Variants in ITGA1 observed in about 807,000 individuals in gnomAD.
ITGA1 encodes the protein integrin subunit alpha 1, also known as integrin alpha-1.
Under a neutral mutation model 145.9 loss-of-function variants are expected in ITGA1, and 85 were observed. The observed-to-expected ratio is 0.58, with a 90% confidence interval of 0.49 to 0.70. The LOEUF is 0.70. ITGA1 is among the 30% of genes least tolerant of loss of function. The pLI is 0.00. For synonymous variants in ITGA1, 520 were observed against 495.3 expected (o/e 1.05, Z -0.66); for missense variants, 1,351 against 1,418.7 (o/e 0.95, Z 0.77).
At chr5:52,843,329 A>C (rs958085010) in intron 1 of ITGA1, among the ~76,000 whole-genome samples, 1 of 152,214 alleles carries the variant, frequency 6.6e-6, no homozygotes. Flanking sequence ...AGCTACTGAA[A>C]TAAAGCAATA....
chr5:52,911,906 G>GAT (rs1301671113), intron 14 of ITGA1, among the ~76,000 whole-genome samples: 1 of 98,236 alleles, frequency 1.0e-5, no homozygotes, highest in African/African-American at 3.7e-5. Flanking sequence ...CTAATATATA[G>GAT]ATATATATAT....
At chr5:52,834,587 G>GAGAAGAAAGAAAGAAAGAA (rs1368741030) in intron 1 of ITGA1, among the ~76,000 whole-genome samples, 1 of 108,178 alleles carries the variant, frequency 9.2e-6, no homozygotes, top group Non-Finnish European at 2.3e-5. Flanking sequence ...GAAAGAAAGA[G>GAGAAGAAAGAAAGAAAGAA]AGAGAGAGAA....
chr5:52,800,320 C>T lies in ITGA1; in HGVS notation c.61+11906C>T. ...CCCGCCCCCTTCCTGGCCTGCATTC[C>T]CATCCCCTCTCCCGGGGCGGAGGTG... On this transcript the variant is annotated intron_variant, in intron 1 of 28. Transcript: ENST00000282588. 1.9e-6 allele frequency: 3 copies of T among 1,553,710 alleles called. No individual in the cohort carries two copies. The South Asian group carries it at 3.5e-5, about 18-fold the overall frequency.
chr5:52,802,537 G>A (rs780701396), intron 1 of ITGA1: 7 of 152,026 alleles, frequency 4.6e-5, no homozygotes, highest in Non-Finnish European at 1.0e-4. Flanking sequence ...GATCTGCTAG[G>A]GATTGTCAAA....
chr5:52,946,195 C>T (rs767719139), intron 27 of ITGA1, among the ~76,000 whole-genome samples: 4 of 152,042 alleles, frequency 2.6e-5, no homozygotes, highest in East Asian at 1.9e-4. Context: ...ATCTAGATTC[C>T]GGTTTCCATA....
rs983744897 is a variant in ITGA1, at chr5:52,788,252, C to A, written c.-102C>A. ...TGCCACTGGGGCAGAGGACTGGGAACCGCGGCAGCGGGATAAGTGGCCCAG... is the reference window on the plus strand; with the variant it reads ...TGCCACTGGGGCAGAGGACTGGGAAACGCGGCAGCGGGATAAGTGGCCCAG... On this transcript the variant is annotated 5_prime_UTR_variant, in exon 1 of 29. Coordinates refer to ENST00000282588, the MANE Select transcript of ITGA1 (RefSeq NM_181501.2). 7 of 911,810 alleles carry A rather than the reference C, an allele frequency of 7.7e-6. No homozygotes were observed. Among genetic ancestry groups the A allele is most frequent in the South Asian group, 2.0e-5 (1 of 49,980 alleles). 56.5% of individuals were successfully genotyped at this position (911,810 alleles called of 1,614,324 possible).
At chr5:52,905,637 A>C in intron 11 of ITGA1, 126 bp from the exon 12 acceptor site, 2 of 815,900 alleles carry the variant, frequency 2.5e-6, no homozygotes, top group Non-Finnish European at 3.6e-6. Flanking sequence ...GCATTGAAGA[A>C]AAAATATTAT....
chr5:52,910,507 A>G (rs1561245440), intron 14 of ITGA1, 88 bp downstream of exon 14: 1 of 1,397,524 alleles, frequency 7.2e-7, no homozygotes, highest in Non-Finnish European at 9.8e-7. Context: ...TGAGTTATTT[A>G]ATTTCTTCCT....
In ITGA1 at chr5:52,865,037, G is replaced by C. The variant is rs150093672; in HGVS notation, c.451G>C (p.Val151Leu). Residue 151 changes from valine (V) to leucine (L), a missense_variant, in exon 5 of 29, where the codon GTC becomes CTC. Physicochemically the swap from Val to Leu is conservative, Grantham distance 32 (BLOSUM62 1). Coordinates refer to ENST00000282588, the MANE Select transcript of ITGA1 (RefSeq NM_181501.2). ...LHYTTGICSD[V>L]SPTFQVVNSI... is the part of the protein sequence containing the mutation. ...TTACACAACTGGAATCTGTTCTGACGTCAGCCCCACATTTCAAGTCGTGAA... is the reference window on the plus strand; with the variant it reads ...TTACACAACTGGAATCTGTTCTGACCTCAGCCCCACATTTCAAGTCGTGAA... 1.1e-4 allele frequency: 173 copies of C among 1,613,782 alleles called. No individual in the cohort carries two copies. The African/African-American group carries it at 2.1e-3, about 20-fold the overall frequency.
intron 20 of ITGA1, among the ~76,000 whole-genome samples, chr5:52,928,430 T>C (rs138752704): frequency 4.4e-4 from 67 of 152,348 alleles, no homozygotes; most frequent in Non-Finnish European, 8.4e-4. Flanking sequence ...TATTGAGATA[T>C]AATTCACGTA....
chr5:52,911,591 CTACTAT>C lies in ITGA1; in HGVS notation c.1857+1173_1857+1178del, dbSNP rs1561246397. ...TATATATACTATATATATAGTGTATCTACTATATATACTATATATATAGTGTATCTA... is the reference window on the plus strand; with the variant it reads ...TATATATACTATATATATAGTGTATCATATACTATATATATAGTGTATCTA... On this transcript the variant is annotated intron_variant, in intron 14 of 28. Transcript: ENST00000282588. Among the ~76,000 whole-genome samples, 17 of 58,578 alleles carry C rather than the reference CTACTAT, an allele frequency of 2.9e-4. 1 individual carries two copies. The highest frequency in any genetic ancestry group is 2.9e-4 in the Non-Finnish European group (8 of 27,352). 38.4% of individuals were successfully genotyped at this position (58,578 alleles called of 152,430 possible).
chr5:52,934,138 A>G lies in ITGA1; in HGVS notation c.2964+142A>G, dbSNP rs1441926329. On this transcript the variant is annotated intron_variant, in intron 23 of 28. Coordinates refer to ENST00000282588, the MANE Select transcript of ITGA1 (RefSeq NM_181501.2). ...ATATTTTCTTTATAATTTCATAAAT[A>G]TAAATATAGACATATAATATATAAA... The G allele has an allele frequency of 5.4e-5, 13 of 240,188 alleles. No individual in the cohort carries two copies. In the East Asian group the frequency reaches 1.1e-3, roughly 21 times the overall value. The allele number at this position is 240,188 out of a possible 1,614,324, so 14.9% of individuals were successfully genotyped here. A position where few individuals can be genotyped will look rare whatever the true frequency, so the allele number is the denominator to read the frequency against.
intron 1 of ITGA1, among the ~76,000 whole-genome samples, chr5:52,790,476 G>C (rs1203378848): frequency 6.6e-6 from 1 of 152,148 alleles, no homozygotes; most frequent in Non-Finnish European, 1.5e-5. Flanking sequence ...ATGTCACCAG[G>C]GCTGCATTTC....
intron 1 of ITGA1, among the ~76,000 whole-genome samples, chr5:52,791,461 GAGA>G (rs1284756804): frequency 6.6e-6 from 1 of 152,152 alleles, no homozygotes; most frequent in Non-Finnish European, 1.5e-5. Context: ...AAGCCCAGCA[GAGA>G]AGGAGTAAGG....
At chr5:52,944,904 A>G (rs1258958727) in intron 26 of ITGA1, 39 bp from the exon 27 acceptor site, 1 of 1,339,764 alleles carries the variant, frequency 7.5e-7, no homozygotes, top group East Asian at 2.3e-5. Context: ...CATTTTGATT[A>G]GCATCATATA....
intron 2 of ITGA1, among the ~76,000 whole-genome samples, chr5:52,857,719 T>C (rs1749539037): frequency 1.3e-5 from 2 of 152,218 alleles, no homozygotes; most frequent in Non-Finnish European, 2.9e-5. Context: ...TGTCAACATT[T>C]AGTGCTCTTC....
chr5:52,843,623 G>T (rs560998630), intron 1 of ITGA1, among the ~76,000 whole-genome samples: 2 of 152,260 alleles, frequency 1.3e-5, no homozygotes. Flanking sequence ...TTTTCTGCCA[G>T]TCCTATTCTC....
At chr5:52,854,553 G>A (rs567755731) in intron 2 of ITGA1, among the ~76,000 whole-genome samples, 72 of 152,086 alleles carry the variant, frequency 4.7e-4, no homozygotes, top group Admixed American at 1.5e-3. Context: ...AGAAATTGGC[G>A]AGCAGAATTT....
chr5:52,926,184 C>T (rs763118130), intron 19 of ITGA1, among the ~76,000 whole-genome samples: 5 of 152,090 alleles, frequency 3.3e-5, no homozygotes, highest in African/African-American at 4.8e-5. Context: ...CTATTGTCTA[C>T]TTTCTGTAAA....
Sources: gnomAD v4.1 joint callset for allele counts (sites outside exome capture counted in the v4.1 genomes callset) on GRCh38, gnomAD v4.1.1 for gene constraint, MANE v1.5 for transcripts, NCBI Gene and HGNC (gene_info 2026-07-23, HGNC 2026-07-21) for gene names.